NRCAM: variants seen among roughly 807,000 people sequenced by gnomAD.
The protein encoded by NRCAM is NgCAM-related cell adhesion molecule.
Under a neutral mutation model 156.5 loss-of-function variants are expected in NRCAM, and 83 were observed. The ratio of observed to expected loss-of-function variants is 0.53; its 90% CI spans 0.44 to 0.64. The LOEUF is 0.64. Ranked by LOEUF, NRCAM falls within the 30% of genes least tolerant of loss-of-function variation. NRCAM has a pLI of 0.00. For missense variants in NRCAM, 1,417 were observed against 1,597.3 expected (o/e 0.89, Z 1.92); for synonymous variants, 538 against 563.9 (o/e 0.95, Z 0.65).
chr7:108,382,541 C>T (rs2099706258), intron 2 of NRCAM, among the ~76,000 whole-genome samples: 1 of 151,816 alleles, frequency 6.6e-6, no homozygotes, highest in South Asian at 2.1e-4. Context: ...CCCAGGAGTT[C>T]GAGGCTGCAG....
At chr7:108,384,177 T>A (rs575460442) in intron 2 of NRCAM, among the ~76,000 whole-genome samples, 1 of 152,154 alleles carries the variant, frequency 6.6e-6, no homozygotes, top group South Asian at 2.1e-4. Flanking sequence ...AAATAATATG[T>A]ACAACAAACC....
At chr7:108,183,945 A>G (rs1026271434) in intron 22 of NRCAM, among the ~76,000 whole-genome samples, 2 of 152,040 alleles carry the variant, frequency 1.3e-5, no homozygotes, top group African/African-American at 4.8e-5. Context: ...AATTGGTTCT[A>G]TTATTACTCC....
chr7:108,247,703 G>C (rs1243246792), intron 3 of NRCAM, among the ~76,000 whole-genome samples: 1 of 151,548 alleles, frequency 6.6e-6, no homozygotes, highest in East Asian at 1.9e-4. Flanking sequence ...GATTAAGGTA[G>C]AGAACAGGAT....
chr7:108,429,809 TA>T (rs1347068329), intron 1 of NRCAM, among the ~76,000 whole-genome samples: 1 of 152,146 alleles, frequency 6.6e-6, no homozygotes, highest in East Asian at 1.9e-4. Context: ...ATGCAGTATT[TA>T]AAAAGTGGTA....
rs2094718463 is a variant in NRCAM at position 108,234,694 on chromosome 7, T to C, written c.125-6A>G. ...GATGGTTGGAGGCTGTACCACTTAA[T>C]TGTAGAAAAAAAAAAATGTAAAAAA... On this transcript the variant is annotated splice_region_variant and splice_polypyrimidine_tract_variant and intron_variant, in intron 5 of 32. Transcript: ENST00000379028. 2 of 1,569,492 alleles carry C rather than the reference T, an allele frequency of 1.3e-6. No homozygotes were observed. Among genetic ancestry groups the C allele is most frequent in the Non-Finnish European group, 1.7e-6 (2 of 1,142,874 alleles).
chr7:108,264,646 C>T (rs1047364730), intron 3 of NRCAM, among the ~76,000 whole-genome samples: 3 of 152,196 alleles, frequency 2.0e-5, no homozygotes, highest in Admixed American at 6.5e-5. Flanking sequence ...CTCCTAATGG[C>T]AACCCATTGC....
intron 2 of NRCAM, among the ~76,000 whole-genome samples, chr7:108,351,803 A>C (rs2099414723): frequency 6.6e-6 from 1 of 152,100 alleles, no homozygotes; most frequent in Admixed American, 6.6e-5. Context: ...TATTTTTGAA[A>C]CATGATGAAA....
chr7:108,324,268 T>C (rs969758732), intron 2 of NRCAM, among the ~76,000 whole-genome samples: 2 of 114,112 alleles, frequency 1.8e-5, no homozygotes, highest in African/African-American at 2.9e-5. Context: ...GGCATGATCC[T>C]GGGGGTGCCA....
chr7:108,331,938 T>C (rs185992748), intron 2 of NRCAM, among the ~76,000 whole-genome samples: 11 of 152,366 alleles, frequency 7.2e-5, no homozygotes, highest in African/African-American at 2.2e-4. Context: ...GTCAATTACC[T>C]GGCTGAACAT....
At chr7:108,389,572 G>A (rs189451963) in intron 2 of NRCAM, among the ~76,000 whole-genome samples, 8 of 152,196 alleles carry the variant, frequency 5.3e-5, no homozygotes, top group African/African-American at 1.9e-4. Flanking sequence ...GATTGCCCTG[G>A]GCAGAACTTC....
At chr7:108,417,402 G>C (rs1802933083) in intron 1 of NRCAM, among the ~76,000 whole-genome samples, 1 of 152,158 alleles carries the variant, frequency 6.6e-6, no homozygotes, top group African/African-American at 2.4e-5. Flanking sequence ...GAGAGACACA[G>C]GGAAGGGGGC....
chr7:108,357,661 C>T (rs1301508503), intron 2 of NRCAM, among the ~76,000 whole-genome samples: 3 of 152,154 alleles, frequency 2.0e-5, no homozygotes, highest in African/African-American at 4.8e-5. Flanking sequence ...TGAATGTAAA[C>T]TCTTCTATCT....
Position 108,176,822 on chromosome 7 carries a change from C to T in NRCAM, c.2975-216G>A, listed in dbSNP as rs2060674868. ...TCATATCATATCATATCATATATCA[C>T]AAGGGGGTAGTATGTTCTCTATTGG... is the stretch of plus-strand genomic sequence containing the variant. On this transcript the variant is annotated intron_variant, in intron 26 of 32. Coordinates refer to ENST00000379028, the MANE Select transcript of NRCAM (RefSeq NM_001037132.4). The T allele has an allele frequency of 7.3e-6, 3 of 412,672 alleles. No individual in the cohort carries two copies. In the East Asian group the frequency reaches 1.3e-4, roughly 18 times the overall value. The allele number at this position is 412,672 out of a possible 1,614,324, so 25.6% of individuals were successfully genotyped here.
At chr7:108,356,618 TA>T (rs2099500881) in intron 2 of NRCAM, among the ~76,000 whole-genome samples, 1 of 152,038 alleles carries the variant, frequency 6.6e-6, no homozygotes, top group Non-Finnish European at 1.5e-5. Context: ...TTTAAGAAAA[TA>T]ATTATTACAG....
At chr7:108,166,499 C>T (rs1460414796) in intron 30 of NRCAM, among the ~76,000 whole-genome samples, 1 of 151,966 alleles carries the variant, frequency 6.6e-6, no homozygotes, top group Admixed American at 6.6e-5. Context: ...CCGCCTGCCT[C>T]GGCCTCCCTA....
In NRCAM at chr7:108,374,613, G is replaced by C. The variant is rs1233501212; in HGVS notation, c.-174+24823C>G. On this transcript the variant is annotated intron_variant, in intron 2 of 32. Coordinates refer to ENST00000379028, the MANE Select transcript of NRCAM (RefSeq NM_001037132.4). ...GTAGAAAGATGATGAATTCAAATAT[G>C]AAGTGAGATTTCAATTCAACAAACA... is the stretch of plus-strand genomic sequence containing the variant. Among the ~76,000 whole-genome samples the C allele has an allele frequency of 1.3e-5, 2 of 152,132 alleles. 1 individual carries two copies. The highest frequency in any genetic ancestry group is 1.3e-4 in the Admixed American group (2 of 15,244).
chr7:108,225,727 A>G (rs2093333656), intron 9 of NRCAM, 26 bp from the exon 10 acceptor site: 2 of 1,468,548 alleles, frequency 1.4e-6, no homozygotes, highest in Non-Finnish European at 1.9e-6. Flanking sequence ...TATTATGAAG[A>G]GGGCATAAAA....
chr7:108,445,407 T>C (rs1843114588), intron 1 of NRCAM, among the ~76,000 whole-genome samples: 1 of 152,220 alleles, frequency 6.6e-6, no homozygotes, highest in South Asian at 2.1e-4. Flanking sequence ...CAGGCTGCAG[T>C]GCAAGACCAC....
intron 1 of NRCAM, among the ~76,000 whole-genome samples, chr7:108,447,347 C>T (rs1044794855): frequency 2.7e-5 from 4 of 147,388 alleles, no homozygotes; most frequent in African/African-American, 7.4e-5. Flanking sequence ...CTCACTGAAA[C>T]CTCTGCCTCC....
Sources: gnomAD v4.1 joint callset for allele counts (sites outside exome capture counted in the v4.1 genomes callset) on GRCh38, gnomAD v4.1.1 for gene constraint, MANE v1.5 for transcripts, NCBI Gene and HGNC (gene_info 2026-07-23, HGNC 2026-07-21) for gene names.